SAMD5: variants seen among roughly 807,000 people sequenced by gnomAD.
SAMD5 encodes sterile alpha motif domain containing 5, also known as sterile alpha motif domain-containing protein 5.
A neutral mutation model predicts 11.3 loss-of-function variants in SAMD5; 13 were observed. That is an observed-to-expected ratio of 1.15 (90% confidence interval 0.75 to 1.83). The LOEUF is 1.83. Among genes scored for constraint, SAMD5 ranks in the 40% most tolerant of loss-of-function variants. The probability of loss-of-function intolerance (pLI) is 0.00; values close to 1 mark genes in which losing one functional copy is unlikely to be tolerated. For synonymous variants in SAMD5, 129 were observed against 111.3 expected (o/e 1.16, Z -1.00); for missense variants, 255 against 239.1 (o/e 1.07, Z -0.44).
chr6:147,683,956 CAA>C (rs776669624), intron 1 of SAMD5, among the ~76,000 whole-genome samples: 124 of 152,154 alleles, frequency 8.1e-4, no homozygotes, highest in Non-Finnish European at 1.4e-3. Flanking sequence ...ATTTTTCAAA[CAA>C]ATTTTATTAA....
rs921126943 is a variant in SAMD5 at position 147,565,544 on chromosome 6, C to T, written c.*1088C>T. ...CACAATCTTGGCTCACAGTGACTTT[C>T]GCCTCCCAGGTTCAAGGAATTCTCC... On this transcript the variant is annotated 3_prime_UTR_variant, in exon 2 of 2. Coordinates refer to ENST00000367474, the MANE Select transcript of SAMD5 (RefSeq NM_001030060.3). 6 of 660,416 alleles carry T rather than the reference C, an allele frequency of 9.1e-6. No individual in the cohort carries two copies. The highest frequency in any genetic ancestry group is 6.0e-5 in the African/African-American group (3 of 49,962). 40.9% of individuals were successfully genotyped at this position (660,416 alleles called of 1,614,324 possible). A position where few individuals can be genotyped will look rare whatever the true frequency, so the allele number is the denominator to read the frequency against.
intron 1 of SAMD5, among the ~76,000 whole-genome samples, chr6:147,619,962 T>C (rs1259975005): frequency 6.6e-6 from 1 of 152,230 alleles, no homozygotes; most frequent in African/African-American, 2.4e-5. Flanking sequence ...TCTTTTATGG[T>C]TAATGACTTA....
intron 1 of SAMD5, among the ~76,000 whole-genome samples, chr6:147,735,608 T>C (rs925307596): frequency 1.3e-5 from 2 of 152,130 alleles, no homozygotes; most frequent in Non-Finnish European, 2.9e-5. Flanking sequence ...ATTTAAGGAA[T>C]AGTGTGAAGT....
At chr6:147,843,032 G>A in the SAMD5 span, among the ~76,000 whole-genome samples, 1 of 152,100 alleles carries the variant, frequency 6.6e-6, no homozygotes, top group African/African-American at 2.4e-5. Context: ...GCTAATTGTT[G>A]TATTTTTAGT....
chr6:147,907,357 A>G, the SAMD5 span, among the ~76,000 whole-genome samples: 2 of 152,248 alleles, frequency 1.3e-5, no homozygotes, highest in East Asian at 3.8e-4. Flanking sequence ...TGGGCAATGG[A>G]CATCAAATCT....
chr6:147,601,312 G>A (rs894435287), intron 1 of SAMD5, among the ~76,000 whole-genome samples: 1 of 151,642 alleles, frequency 6.6e-6, no homozygotes, highest in Non-Finnish European at 1.5e-5. Flanking sequence ...TACCTTATTT[G>A]TACATACCCT....
intron 1 of SAMD5, among the ~76,000 whole-genome samples, chr6:147,654,195 G>T (rs1455568165): frequency 6.6e-6 from 1 of 152,102 alleles, no homozygotes; most frequent in Non-Finnish European, 1.5e-5. Context: ...GCCATAAAAG[G>T]AACAATGTTT....
the SAMD5 span, among the ~76,000 whole-genome samples, chr6:147,952,704 G>A: frequency 6.6e-6 from 1 of 152,002 alleles, no homozygotes. Context: ...GTAGAGATGG[G>A]GTTTTGCCAT....
At chr6:147,865,313 AGTGTGTGTGTGTGTGTGTGTGTGTGT>A in the SAMD5 span, among the ~76,000 whole-genome samples, 22 of 147,278 alleles carry the variant, frequency 1.5e-4, no homozygotes, top group East Asian at 6.1e-4. Flanking sequence ...TAGGTATATA[AGTGTGTGTGTGTGTGTGTGTGTGTGT>A]GTGTGTGTGT....
At chr6:147,877,068 C>T in the SAMD5 span, among the ~76,000 whole-genome samples, 3 of 142,046 alleles carry the variant, frequency 2.1e-5, no homozygotes, top group Non-Finnish European at 3.2e-5. Context: ...CCCAACAAAC[C>T]CTAGGTTTTT....
intron 1 of SAMD5, among the ~76,000 whole-genome samples, chr6:147,722,375 C>G (rs1791567973): frequency 6.6e-6 from 1 of 151,560 alleles, no homozygotes; most frequent in Admixed American, 6.6e-5. Flanking sequence ...ACTGTTTTTT[C>G]CCCTAAGGCT....
At chr6:147,786,384 A>G in the SAMD5 span, among the ~76,000 whole-genome samples, 5 of 152,242 alleles carry the variant, frequency 3.3e-5, no homozygotes, top group African/African-American at 1.2e-4. Flanking sequence ...GTGGATGAAC[A>G]TAGTGATCTG....
At chr6:147,738,599 T>G (rs1336860238), downstream of SAMD5, among the ~76,000 whole-genome samples, 1 of 152,194 alleles carries the variant, frequency 6.6e-6, no homozygotes, top group Non-Finnish European at 1.5e-5. Flanking sequence ...ATTGTAGTTT[T>G]GAATATTTTC....
chr6:147,557,611 G>T (rs1788878029), intron 1 of SAMD5, among the ~76,000 whole-genome samples: 1 of 152,166 alleles, frequency 6.6e-6, no homozygotes, highest in African/African-American at 2.4e-5. Context: ...GAACACCAGG[G>T]ATTAGATTCA....
chr6:147,726,001 A>T (rs1239456034), intron 1 of SAMD5, among the ~76,000 whole-genome samples: 1 of 152,258 alleles, frequency 6.6e-6, no homozygotes, highest in East Asian at 1.9e-4. Context: ...AGAGCTTGTG[A>T]GGCAAACAGA....
the SAMD5 span, among the ~76,000 whole-genome samples, chr6:147,747,776 ACT>A: frequency 7.0e-4 from 106 of 151,408 alleles, 1 homozygote; most frequent in Middle Eastern, 6.8e-3. Context: ...GAAGGTAGAA[ACT>A]CTGTTCTATT....
chr6:147,909,563 T>TCTTC, the SAMD5 span, among the ~76,000 whole-genome samples: 14,027 of 48,842 alleles, frequency 0.29, 1,681 homozygotes, highest in South Asian at 0.35. Context: ...CCATCTTTTT[T>TCTTC]CTTTCTTTCT....
chr6:147,832,223 A>C, the SAMD5 span, among the ~76,000 whole-genome samples: 3 of 152,222 alleles, frequency 2.0e-5, no homozygotes, highest in African/African-American at 7.2e-5. Flanking sequence ...CCCTGTCTTA[A>C]GAGTGTGTGT....
At chr6:147,528,607 C>T (rs1333923344) in intron 1 of SAMD5, among the ~76,000 whole-genome samples, 2 of 152,192 alleles carry the variant, frequency 1.3e-5, no homozygotes, top group Non-Finnish European at 2.9e-5. Flanking sequence ...CCCCATAAGA[C>T]TGACCTGAGG....
Sources: gnomAD v4.1 joint callset for allele counts (sites outside exome capture counted in the v4.1 genomes callset) on GRCh38, gnomAD v4.1.1 for gene constraint, MANE v1.5 for transcripts, NCBI Gene and HGNC (gene_info 2026-07-23, HGNC 2026-07-21) for gene names.